Variants in ACAP2 observed in about 807,000 individuals in gnomAD.
ACAP2 encodes the protein arf-GAP with coiled-coil, ANK repeat and PH domain-containing protein 2.
ACAP2 carries 39 observed loss-of-function variants against 115.8 expected under a neutral mutation model. That is an observed-to-expected ratio of 0.34 (90% CI 0.26 to 0.44). The LOEUF (loss-of-function observed/expected upper bound fraction) is 0.44, where lower values mean the gene tolerates loss of function less well. ACAP2 is among the 20% of genes least tolerant of loss of function. The probability of loss-of-function intolerance (pLI) is 1.00; values close to 1 mark genes in which losing one functional copy is unlikely to be tolerated. For synonymous variants in ACAP2, 289 were observed against 315.8 expected, an observed-to-expected ratio of 0.92 and a Z score of 0.90; for missense variants, 662 against 927.6, an observed-to-expected ratio of 0.71 and a Z score of 3.72.
At chr3:195,343,432 T>C (rs1730999952) in intron 5 of ACAP2, among the ~76,000 whole-genome samples, 1 of 152,150 alleles carries the variant, frequency 6.6e-6, no homozygotes, top group East Asian at 1.9e-4. Context: ...TTTACTACCA[T>C]GGGTGGTCTA....
intron 1 of ACAP2, among the ~76,000 whole-genome samples, chr3:195,424,514 G>A (rs1039938247): frequency 4.0e-5 from 6 of 151,026 alleles, no homozygotes; most frequent in African/African-American, 1.5e-4. Context: ...GGCCAGTCTG[G>A]TCTTGAACTC....
intron 19 of ACAP2, 118 bp downstream of exon 19, chr3:195,292,147 C>G: frequency 7.9e-7 from 1 of 1,258,402 alleles, no homozygotes; most frequent in Non-Finnish European, 1.1e-6. Context: ...ACAGAGGTTC[C>G]TTCTATTTTC....
At position 195,306,635 on chromosome 3, in the gene ACAP2, T is replaced by C. The variant is rs1044241940; in HGVS notation, c.1011-19A>G. 1.9e-6 allele frequency: 3 copies of C among 1,589,492 alleles called. No individual in the cohort carries two copies. Among genetic ancestry groups the C allele is most frequent in the Non-Finnish European group, 2.6e-6 (3 of 1,161,632 alleles). On this transcript the variant is annotated intron_variant, in intron 12 of 22. Coordinates refer to ENST00000326793, the MANE Select transcript of ACAP2 (RefSeq NM_012287.6). ...GCAACTTCTAAAAGGAAATAACATA[T>C]TGTTTTCTCAGACACTAAGTTAATG...
chr3:195,335,112 T>C (rs1307572730), intron 7 of ACAP2, among the ~76,000 whole-genome samples: 1 of 152,206 alleles, frequency 6.6e-6, no homozygotes, highest in Non-Finnish European at 1.5e-5. Flanking sequence ...GTGAAAATTA[T>C]ATGAAATTCA....
intron 7 of ACAP2, chr3:195,335,892 C>CTTTTTT (rs869135331): frequency 3.2e-4 from 29 of 90,118 alleles, no homozygotes; most frequent in Non-Finnish European, 3.9e-4. Context: ...ACTTCGTTGG[C>CTTTTTT]TTTTTTTTTT....
intron 21 of ACAP2, among the ~76,000 whole-genome samples, chr3:195,286,800 C>T (rs1040186705): frequency 2.0e-5 from 3 of 152,168 alleles, no homozygotes; most frequent in African/African-American, 4.8e-5. Flanking sequence ...AAAATTTAGA[C>T]GATTTGAAAA....
intron 1 of ACAP2, among the ~76,000 whole-genome samples, chr3:195,434,477 C>A (rs1715380493): frequency 6.6e-6 from 1 of 152,146 alleles, no homozygotes; most frequent in Admixed American, 6.5e-5. Flanking sequence ...CTCAGGCAAT[C>A]CTCCTGCCTC....
At chr3:195,400,161 A>G (rs1443048529) in intron 1 of ACAP2, among the ~76,000 whole-genome samples, 3 of 151,818 alleles carry the variant, frequency 2.0e-5, no homozygotes, top group African/African-American at 7.3e-5. Flanking sequence ...CTGGGCAACA[A>G]GAATGACAGT....
chr3:195,297,312 C>T (rs753866992), intron 15 of ACAP2, 31 bp from the exon 16 acceptor site: 20 of 1,586,134 alleles, frequency 1.3e-5, no homozygotes, highest in African/African-American at 6.8e-5. Context: ...GAAAAATAAG[C>T]TATACATTAA....
At chr3:195,431,529 C>T (rs1388857487) in intron 1 of ACAP2, among the ~76,000 whole-genome samples, 1 of 152,028 alleles carries the variant, frequency 6.6e-6, no homozygotes, top group African/African-American at 2.4e-5. Context: ...GCTCCACCTC[C>T]TGGGTTCACG....
chr3:195,427,355 A>T (rs944139397), intron 1 of ACAP2, among the ~76,000 whole-genome samples: 5 of 152,052 alleles, frequency 3.3e-5, no homozygotes, highest in African/African-American at 1.2e-4. Context: ...TAGGCCACTA[A>T]GTTTGGGGTA....
At chr3:195,295,379 A>T (rs775952604) in intron 17 of ACAP2, 1 of 811,714 alleles carries the variant, frequency 1.2e-6, no homozygotes, top group Non-Finnish European at 1.8e-6. Flanking sequence ...ACTGGGAAAA[A>T]ATTTAGGAGG....
chr3:195,311,427 A>G (rs893363762), intron 10 of ACAP2, among the ~76,000 whole-genome samples: 33 of 151,864 alleles, frequency 2.2e-4, no homozygotes, highest in Admixed American at 2.0e-4. Context: ...TAAGAAAAGG[A>G]AAAGTAAGAC....
intron 4 of ACAP2, chr3:195,356,174 G>T (rs1731952516): frequency 2.2e-6 from 1 of 456,766 alleles, no homozygotes; most frequent in Non-Finnish European, 4.4e-6. Flanking sequence ...CACAGAGGAA[G>T]AATCTGCGCT....
At chr3:195,398,897 C>G (rs1712032446) in intron 1 of ACAP2, among the ~76,000 whole-genome samples, 1 of 152,094 alleles carries the variant, frequency 6.6e-6, no homozygotes, top group Non-Finnish European at 1.5e-5. Flanking sequence ...TTTAGTCTGT[C>G]AACTCATACG....
chr3:195,319,242 G>C (rs2109024164), intron 10 of ACAP2, among the ~76,000 whole-genome samples: 1 of 152,358 alleles, frequency 6.6e-6, no homozygotes, highest in African/African-American at 2.4e-5. Flanking sequence ...TGCGGCAGGG[G>C]AGGAGCCCTC....
chr3:195,329,664 A>T (rs1382688026), intron 8 of ACAP2, among the ~76,000 whole-genome samples: 2 of 152,114 alleles, frequency 1.3e-5, no homozygotes, highest in African/African-American at 4.8e-5. Context: ...CTGGGTCCCC[A>T]GCTCCATGGA....
chr3:195,341,789 A>G (rs1232063886), intron 6 of ACAP2, among the ~76,000 whole-genome samples: 1 of 152,192 alleles, frequency 6.6e-6, no homozygotes, highest in Non-Finnish European at 1.5e-5. Context: ...ATTGAAAATT[A>G]TATTTTCCCT....
chr3:195,285,901 T>A, intron 21 of ACAP2, 44 bp from the exon 22 acceptor site: 1 of 1,365,960 alleles, frequency 7.3e-7, no homozygotes, highest in Non-Finnish European at 1.0e-6. Context: ...TTATATAATA[T>A]AAATGTCATA....
Sources: gnomAD v4.1 joint callset for allele counts (sites outside exome capture counted in the v4.1 genomes callset) on GRCh38, gnomAD v4.1.1 for gene constraint, MANE v1.5 for transcripts, NCBI Gene and HGNC (gene_info 2026-07-23, HGNC 2026-07-21) for gene names.